Variants in FRMD4A observed in about 807,000 individuals in gnomAD.
The protein encoded by FRMD4A is FERM domain containing 4A.
FRMD4A carries 29 observed loss-of-function variants against 129.1 expected under a neutral mutation model. The observed-to-expected ratio is 0.22, with a 90% CI of 0.17 to 0.31. FRMD4A has a LOEUF of 0.31. FRMD4A is among the 10% of genes least tolerant of loss of function. The pLI, the probability that FRMD4A is intolerant of heterozygous loss-of-function variation, is 1.00. For missense variants in FRMD4A, 1,272 were observed against 1,375.8 expected, an observed-to-expected ratio of 0.92 and a Z score of 1.19; for synonymous variants, 634 against 571.6, an observed-to-expected ratio of 1.11 and a Z score of -1.56.
chr10:14,191,614 T>C (rs951906996), intron 2 of FRMD4A, among the ~76,000 whole-genome samples: 2 of 152,210 alleles, frequency 1.3e-5, no homozygotes, highest in African/African-American at 2.4e-5. Context: ...TTAAGAACCA[T>C]GTGAATTGCT....
At chr10:14,059,183 T>C (rs1182619626) in intron 2 of FRMD4A, among the ~76,000 whole-genome samples, 5 of 152,142 alleles carry the variant, frequency 3.3e-5, no homozygotes, top group Non-Finnish European at 7.4e-5. Flanking sequence ...CTAATATTTG[T>C]ATGTAAATAA....
At chr10:14,215,609 T>C (rs1254332550) in intron 2 of FRMD4A, among the ~76,000 whole-genome samples, 1 of 152,148 alleles carries the variant, frequency 6.6e-6, no homozygotes, top group Non-Finnish European at 1.5e-5. Flanking sequence ...AAATTGTGTG[T>C]AATGACACAA....
chr10:14,284,359 T>C (rs934941603), intron 2 of FRMD4A, among the ~76,000 whole-genome samples: 8 of 152,262 alleles, frequency 5.3e-5, no homozygotes, highest in Middle Eastern at 3.4e-3. Context: ...TAAACTATTG[T>C]TGCAGGAGGC....
At chr10:14,327,304 T>C (rs1843317097) in intron 2 of FRMD4A, among the ~76,000 whole-genome samples, 2 of 152,256 alleles carry the variant, frequency 1.3e-5, no homozygotes, top group Admixed American at 6.5e-5. Context: ...TCCACCATTT[T>C]CATAGCAATA....
chr10:14,139,166 G>A (rs55788436), intron 2 of FRMD4A, among the ~76,000 whole-genome samples: 40,970 of 152,144 alleles, frequency 0.27, 5,973 homozygotes, highest in East Asian at 0.51. Flanking sequence ...TGTGCATGGG[G>A]AATGAAGCCA....
chr10:14,000,510 G>A (rs1276124708), intron 2 of FRMD4A, among the ~76,000 whole-genome samples: 1 of 151,814 alleles, frequency 6.6e-6, no homozygotes, highest in Non-Finnish European at 1.5e-5. Flanking sequence ...AGCCAGGCAT[G>A]GTGATGGATG....
At chr10:14,084,068 T>C (rs974817913) in intron 2 of FRMD4A, among the ~76,000 whole-genome samples, 4 of 152,184 alleles carry the variant, frequency 2.6e-5, no homozygotes, top group African/African-American at 9.7e-5. Flanking sequence ...AATGGTGAAA[T>C]CATCCAGTAA....
chr10:13,707,515 G>A (rs994935388), intron 12 of FRMD4A: 2 of 1,008,780 alleles, frequency 2.0e-6, no homozygotes, highest in African/African-American at 1.7e-5. Context: ...AGAGGAGCGA[G>A]AGGAGCGAGC....
At chr10:13,800,177 A>C (rs930904566) in intron 4 of FRMD4A, among the ~76,000 whole-genome samples, 1 of 152,114 alleles carries the variant, frequency 6.6e-6, no homozygotes, top group African/African-American at 2.4e-5. Flanking sequence ...GCGAGACTCC[A>C]TCTCAAAAAA....
chr10:13,746,808 C>T (rs1588533718), intron 9 of FRMD4A, among the ~76,000 whole-genome samples: 1 of 152,094 alleles, frequency 6.6e-6, no homozygotes, highest in Admixed American at 6.5e-5. Context: ...GCTTAGGAAC[C>T]CAGTAGGATT....
At chr10:13,777,816 T>TG (rs1554892191) in intron 6 of FRMD4A, among the ~76,000 whole-genome samples, 5 of 137,676 alleles carry the variant, frequency 3.6e-5, no homozygotes, top group Non-Finnish European at 7.8e-5. Context: ...TTTTTTTTTT[T>TG]GAGACGGAGT....
At chr10:13,663,127 T>C (rs930808817) in intron 19 of FRMD4A, among the ~76,000 whole-genome samples, 1 of 150,926 alleles carries the variant, frequency 6.6e-6, no homozygotes, top group African/African-American at 2.4e-5. Context: ...GAGGCAGAGG[T>C]TGTAGTGAGC....
Position 14,214,352 on chromosome 10 carries a change from G to A in FRMD4A, c.45+115706C>T, listed in dbSNP as rs371167599. ...GCAGTCATGCTGCATGAAGTCCCAG[G>A]CTGGGAGTTGGCTGACATTGGATCT... On this transcript the variant is annotated intron_variant, in intron 2 of 24. Coordinates refer to ENST00000357447, the MANE Select transcript of FRMD4A (RefSeq NM_018027.5). Among the ~76,000 whole-genome samples the A allele has an allele frequency of 2.5e-4, 38 of 152,292 alleles. No individual in the cohort carries two copies. The East Asian group carries it at 7.0e-3, about 28-fold the overall frequency.
At chr10:14,194,721 G>A (rs1313073247) in intron 2 of FRMD4A, among the ~76,000 whole-genome samples, 3 of 151,870 alleles carry the variant, frequency 2.0e-5, no homozygotes, top group Non-Finnish European at 4.4e-5. Context: ...CTTATTTTAT[G>A]GTTCTCTCTC....
intron 2 of FRMD4A, among the ~76,000 whole-genome samples, chr10:14,085,204 T>TA (rs1460854479): frequency 1.3e-5 from 2 of 152,126 alleles, no homozygotes; most frequent in African/African-American, 4.8e-5. Flanking sequence ...CATGGTTATG[T>TA]CTAGGGATGT....
intron 3 of FRMD4A, among the ~76,000 whole-genome samples, chr10:13,849,328 C>T (rs887333522): frequency 2.3e-4 from 35 of 152,296 alleles, no homozygotes; most frequent in East Asian, 1.2e-3. Context: ...ACCTGGAGCA[C>T]GCCTCGGTAG....
intron 2 of FRMD4A, among the ~76,000 whole-genome samples, chr10:14,022,743 T>C (rs1832815653): frequency 2.0e-5 from 3 of 151,686 alleles, no homozygotes; most frequent in African/African-American, 7.3e-5. Flanking sequence ...AAAAGATGGG[T>C]TGTATTTAGA....
chr10:13,672,347 C>T (rs754216399), intron 16 of FRMD4A, among the ~76,000 whole-genome samples: 10 of 151,394 alleles, frequency 6.6e-5, no homozygotes, highest in Non-Finnish European at 1.3e-4. Context: ...GTGTTTATTC[C>T]GCAACTTTTT....
chr10:14,001,206 C>G (rs1404974324), intron 2 of FRMD4A, among the ~76,000 whole-genome samples: 1 of 152,164 alleles, frequency 6.6e-6, no homozygotes, highest in African/African-American at 2.4e-5. Flanking sequence ...TGGATCCTAT[C>G]CCCAGAGATT....
Sources: gnomAD v4.1 joint callset for allele counts (sites outside exome capture counted in the v4.1 genomes callset) on GRCh38, gnomAD v4.1.1 for gene constraint, MANE v1.5 for transcripts, NCBI Gene and HGNC (gene_info 2026-07-23, HGNC 2026-07-21) for gene names.